Variants in OSBPL11 observed in about 807,000 individuals in gnomAD.
OSBPL11 encodes oxysterol binding protein like 11.
In OSBPL11, 33 loss-of-function variants were observed where a neutral mutation model predicts 84.4. The observed-to-expected ratio is 0.39, with a 90% CI of 0.30 to 0.52. The LOEUF (loss-of-function observed/expected upper bound fraction) is 0.52, where lower values mean the gene tolerates loss of function less well. OSBPL11 is among the 20% of genes least tolerant of loss of function. OSBPL11 has a pLI of 0.72. For synonymous variants in OSBPL11, 276 were observed against 310.2 expected, an observed-to-expected ratio of 0.89 and a Z score of 1.16; for missense variants, 736 against 901.1, an observed-to-expected ratio of 0.82 and a Z score of 2.35.
chr3:125,561,537 T>C (rs1437675741), intron 7 of OSBPL11, among the ~76,000 whole-genome samples: 2 of 152,254 alleles, frequency 1.3e-5, no homozygotes, highest in African/African-American at 4.8e-5. Flanking sequence ...ATGCACATAA[T>C]CTATTCATTT....
At chr3:125,554,753 A>G (rs968318850) in intron 8 of OSBPL11, among the ~76,000 whole-genome samples, 1 of 152,146 alleles carries the variant, frequency 6.6e-6, no homozygotes, top group Non-Finnish European at 1.5e-5. Flanking sequence ...ATTAAAAGTC[A>G]AAAGAAGAGT....
chr3:125,532,337 A>C (rs1265464044), intron 11 of OSBPL11, among the ~76,000 whole-genome samples: 1 of 152,212 alleles, frequency 6.6e-6, no homozygotes, highest in African/African-American at 2.4e-5. Context: ...AAGCAAGACT[A>C]ATTGTGCTTC....
intron 11 of OSBPL11, among the ~76,000 whole-genome samples, chr3:125,538,069 A>G (rs994647934): frequency 8.5e-5 from 13 of 152,204 alleles, no homozygotes; most frequent in African/African-American, 3.1e-4. Context: ...TTGGTTGAGC[A>G]TTTAAGATGT....
rs777959030 is a variant in OSBPL11 at position 125,531,960 on chromosome 3, G to T, written c.2079C>A (p.Ala693=). The stretch of plus-strand genomic sequence containing the variant: ...CTTCCAGGGTATGCTTATGCTCTGT[G>T]GCCTTATCAATTTCAGATTCTCTCA... ...DSLRESEIDK[A]TEHKHTLEER... The change falls in exon 12 of 13, where the codon GCC becomes GCA. Residue 693 remains alanine, a synonymous_variant. Transcript: ENST00000296220. The T allele has an allele frequency of 3.1e-6, 5 of 1,613,030 alleles. No individual in the cohort carries two copies. The highest frequency in any genetic ancestry group is 4.2e-6 in the Non-Finnish European group (5 of 1,179,818).
intron 7 of OSBPL11, among the ~76,000 whole-genome samples, chr3:125,562,239 A>C (rs1936089334): frequency 6.6e-6 from 1 of 152,166 alleles, no homozygotes; most frequent in Admixed American, 6.6e-5. Flanking sequence ...ATCTCATTTT[A>C]GTGTATATGT....
At position 125,594,631 on chromosome 3, in the gene OSBPL11, G is replaced by A. The variant is rs761669116; in HGVS notation, c.164+6C>T. 2 of 1,612,522 alleles carry A rather than the reference G, an allele frequency of 1.2e-6. No individual in the cohort carries two copies. ...TCGGGAAATAATTTTGGAGAAAGGAGCATACCTGTACTGCCAGCCTTTTGC... is the reference window on the plus strand; with the variant it reads ...TCGGGAAATAATTTTGGAGAAAGGAACATACCTGTACTGCCAGCCTTTTGC... On this transcript the variant is annotated splice_donor_region_variant and intron_variant, in intron 1 of 12. Coordinates refer to ENST00000296220, the MANE Select transcript of OSBPL11 (RefSeq NM_022776.5).
chr3:125,532,964 A>G (rs1935583597), intron 11 of OSBPL11, among the ~76,000 whole-genome samples: 1 of 151,884 alleles, frequency 6.6e-6, no homozygotes, highest in Non-Finnish European at 1.5e-5. Flanking sequence ...TGTATGATTT[A>G]TATGAAATAT....
chr3:125,549,012 G>A (rs1935860612), intron 9 of OSBPL11, among the ~76,000 whole-genome samples: 1 of 151,218 alleles, frequency 6.6e-6, no homozygotes, highest in South Asian at 2.1e-4. Flanking sequence ...CAACATACTT[G>A]TATATATTTT....
chr3:125,591,091 T>C (rs1936588814), intron 1 of OSBPL11, among the ~76,000 whole-genome samples: 1 of 152,180 alleles, frequency 6.6e-6, no homozygotes, highest in South Asian at 2.1e-4. Flanking sequence ...GTAAAGACAA[T>C]TATCTACATT....
chr3:125,552,771 G>T (rs957619072), intron 8 of OSBPL11, 92 bp from the exon 9 acceptor site: 3 of 1,390,234 alleles, frequency 2.2e-6, no homozygotes, highest in Non-Finnish European at 2.9e-6. Flanking sequence ...TTTCATTCTA[G>T]ATGGGTATTA....
chr3:125,534,741 T>C (rs939004929), intron 11 of OSBPL11, among the ~76,000 whole-genome samples: 1 of 151,872 alleles, frequency 6.6e-6, no homozygotes, highest in Non-Finnish European at 1.5e-5. Context: ...GATCAAACTA[T>C]GGCCCACAGC....
intron 11 of OSBPL11, 79 bp downstream of exon 11, chr3:125,538,372 G>T: frequency 7.2e-7 from 1 of 1,390,642 alleles, no homozygotes; most frequent in Non-Finnish European, 9.9e-7. Context: ...ACTTGGCCAA[G>T]GTCACCAGTT....
chr3:125,560,281 A>C (rs1936056255), intron 8 of OSBPL11, 98 bp downstream of exon 8: 9 of 1,152,970 alleles, frequency 7.8e-6, no homozygotes, highest in Non-Finnish European at 1.0e-5. Context: ...TAAAATTAAA[A>C]TTTAAAAAGT....
Position 125,594,770 on chromosome 3 carries a change from T to C in OSBPL11, c.31A>G (p.Lys11Glu), listed in dbSNP as rs1399024447. The C allele has an allele frequency of 1.9e-6, 3 of 1,614,212 alleles. No homozygotes were observed. Among genetic ancestry groups the C allele is most frequent in the East Asian group, 4.5e-5 (2 of 44,892 alleles). The change falls in exon 1 of 13, where the codon AAA becomes GAA. Residue 11 changes from lysine to glutamate, a missense_variant. By Grantham distance (56) the Lys-to-Glu change is moderately conservative. Around this residue, in one of 3 missense-constraint regions of OSBPL11, gnomAD observed 114 missense variants for 104.9 expected, o/e 1.09. Transcript: ENST00000296220. MQGGEPVSTM[K>E]VSESEGKLEG... ...AGCTTTCCTTCGCTCTCCGAGACTTTCATTGTGGACACTGGTTCACCCCCC... is the reference window on the plus strand; with the variant it reads ...AGCTTTCCTTCGCTCTCCGAGACTTCCATTGTGGACACTGGTTCACCCCCC...
chr3:125,595,480 C>A lies in OSBPL11; in HGVS notation c.-680G>T, dbSNP rs1936671896. Among the ~76,000 whole-genome samples, 1 of 152,176 alleles carries A rather than the reference C, an allele frequency of 6.6e-6. No homozygotes were observed. Among genetic ancestry groups the A allele is most frequent in the African/African-American group, 2.4e-5 (1 of 41,436 alleles). The stretch of plus-strand genomic sequence containing the variant: ...AGCCGGTGAGTCTCTCGCGCTATCT[C>A]CAGACCCAAGCGCGAATGCCAGGGC... On this transcript the variant is annotated 5_prime_UTR_variant, in exon 1 of 13. Transcript: ENST00000296220.
intron 10 of OSBPL11, among the ~76,000 whole-genome samples, chr3:125,542,486 C>T (rs1935745265): frequency 6.6e-6 from 1 of 151,548 alleles, no homozygotes; most frequent in Non-Finnish European, 1.5e-5. Flanking sequence ...TAGGCATGTG[C>T]CACCATGTCC....
At chr3:125,542,951 A>G (rs1935754832) in intron 10 of OSBPL11, among the ~76,000 whole-genome samples, 1 of 150,358 alleles carries the variant, frequency 6.7e-6, no homozygotes, top group Admixed American at 6.6e-5. Flanking sequence ...AGCGAAAGTG[A>G]TTCTTAATCT....
Position 125,594,652 on chromosome 3 carries a change from T to G in OSBPL11, c.149A>C (p.Lys50Thr), listed in dbSNP as rs1265565249. The change falls in exon 1 of 13, where the codon AAA becomes ACA. Residue 50 changes from lysine (K) to threonine (T), a missense_variant. Around this residue, in one of 3 missense-constraint regions of OSBPL11, gnomAD observed 114 missense variants for 104.9 expected, o/e 1.09. Coordinates refer to ENST00000296220, the MANE Select transcript of OSBPL11 (RefSeq NM_022776.5). ...SSSSSRGGSAKGWQYSDHMEN... is the reference protein window; with the variant it reads ...SSSSSRGGSATGWQYSDHMEN... The stretch of plus-strand genomic sequence containing the variant: ...AGGAGCATACCTGTACTGCCAGCCT[T>G]TTGCACTGCCACCGCGGCTGCTGCT... 1.9e-6 allele frequency: 3 copies of G among 1,613,636 alleles called. No homozygotes were observed. The highest frequency in any genetic ancestry group is 2.5e-6 in the Non-Finnish European group (3 of 1,179,988).
chr3:125,546,727 C>A (rs1935823798), intron 10 of OSBPL11, among the ~76,000 whole-genome samples: 1 of 151,984 alleles, frequency 6.6e-6, no homozygotes, highest in African/African-American at 2.4e-5. Context: ...CCCATCTCAA[C>A]TAAAAATACA....
Sources: gnomAD v4.1 joint callset for allele counts (sites outside exome capture counted in the v4.1 genomes callset) on GRCh38, gnomAD v4.1.1 for gene constraint, gnomAD v4.1.1 regional missense constraint, MANE v1.5 for transcripts, NCBI Gene and HGNC (gene_info 2026-07-23, HGNC 2026-07-21) for gene names.